ZNF536: variants seen among roughly 807,000 people sequenced by gnomAD.
ZNF536 encodes the protein zinc finger protein 536.
ZNF536 carries 13 observed loss-of-function variants against 84.5 expected under a neutral mutation model. The ratio of observed to expected loss-of-function variants is 0.15; its 90% CI spans 0.10 to 0.24. The LOEUF (loss-of-function observed/expected upper bound fraction) is 0.24. ZNF536 is among the 10% of genes least tolerant of loss of function. ZNF536 has a pLI of 1.00. For synonymous variants in ZNF536, 811 were observed against 742.5 expected (o/e 1.09, Z -1.50); for missense variants, 1,536 against 1,747.5 (o/e 0.88, Z 2.16).
At chr19:30,595,373 G>T (rs1486725233) in intron 1 of ZNF536, among the ~76,000 whole-genome samples, 1 of 152,064 alleles carries the variant, frequency 6.6e-6, no homozygotes, top group Non-Finnish European at 1.5e-5. Context: ...CTGCAGCCTT[G>T]ATCTCCTCAG....
intron 2 of ZNF536, among the ~76,000 whole-genome samples, chr19:30,286,108 G>A (rs557459188): frequency 3.3e-5 from 5 of 152,164 alleles, no homozygotes; most frequent in South Asian, 2.1e-4. Flanking sequence ...AGCCTGGCCC[G>A]AGCGAGGGCC....
At chr19:30,330,316 G>A (rs899086439) in intron 2 of ZNF536, among the ~76,000 whole-genome samples, 6 of 152,190 alleles carry the variant, frequency 3.9e-5, no homozygotes, top group African/African-American at 9.7e-5. Flanking sequence ...TTGTGGAACC[G>A]AGGCAGAAAC....
intron 1 of ZNF536, among the ~76,000 whole-genome samples, chr19:30,645,888 C>T (rs775338258): frequency 3.3e-5 from 5 of 152,156 alleles, no homozygotes; most frequent in African/African-American, 4.8e-5. Flanking sequence ...AGAAACTATT[C>T]GTTTGGCGAA....
chr19:30,475,930 C>T (rs1599505071), intron 2 of ZNF536, among the ~76,000 whole-genome samples: 1 of 152,180 alleles, frequency 6.6e-6, no homozygotes, highest in East Asian at 1.9e-4. Context: ...GAAGCTCACC[C>T]AGGAACTTGT....
intron 2 of ZNF536, among the ~76,000 whole-genome samples, chr19:30,527,392 C>T (rs1050794070): frequency 1.3e-5 from 2 of 151,990 alleles, no homozygotes; most frequent in African/African-American, 4.8e-5. Context: ...CTCTATCTCA[C>T]GTGTCCCAGG....
intron 1 of ZNF536, among the ~76,000 whole-genome samples, chr19:30,374,996 C>G (rs905112612): frequency 1.5e-4 from 23 of 151,932 alleles, no homozygotes; most frequent in Admixed American, 1.4e-3. Flanking sequence ...GGAGATCGGG[C>G]GCGCGGGCGC....
chr19:30,356,366 ATCCTGCGGTGGGCTGGGCTG>A (rs2048094951), intron 3 of ZNF536, among the ~76,000 whole-genome samples: 1 of 152,206 alleles, frequency 6.6e-6, no homozygotes, highest in South Asian at 2.1e-4. Flanking sequence ...TCAGGTGCTG[ATCCTGCGGTGGGCTGGGCTG>A]TCCCGAGTCA....
intron 2 of ZNF536, among the ~76,000 whole-genome samples, chr19:30,511,006 A>G (rs1216012656): frequency 1.3e-5 from 2 of 152,184 alleles, no homozygotes; most frequent in Non-Finnish European, 2.9e-5. Context: ...CCCTGGCTGG[A>G]GAACAAAGGA....
At position 30,686,793 on chromosome 19, in the gene ZNF536, C is replaced by A. The variant is rs1222344869; in HGVS notation, c.170-23964C>A. On this transcript the variant is annotated intron_variant, in intron 1 of 1. Coordinates refer to the ZNF536 transcript ENST00000592773. ...CTCAGGCCAGCCCTCCCCCCACTCCCCCCATCCAGTAAATGCATCTTTGTG... is the reference window on the plus strand; with the variant it reads ...CTCAGGCCAGCCCTCCCCCCACTCCACCCATCCAGTAAATGCATCTTTGTG... Among the ~76,000 whole-genome samples the A allele has an allele frequency of 2.0e-5, 3 of 152,286 alleles. No individual in the cohort carries two copies. The East Asian group carries it at 5.8e-4, about 29-fold the overall frequency.
intron 2 of ZNF536, among the ~76,000 whole-genome samples, chr19:30,468,375 C>T (rs747350381): frequency 4.6e-5 from 7 of 152,128 alleles, no homozygotes; most frequent in Non-Finnish European, 5.9e-5. Context: ...CCAGCTCGAA[C>T]GCCAAGCTTC....
intron 2 of ZNF536, among the ~76,000 whole-genome samples, chr19:30,485,945 A>C (rs2054287151): frequency 6.6e-6 from 1 of 152,222 alleles, no homozygotes; most frequent in East Asian, 1.9e-4. Flanking sequence ...GCAAGGGAAG[A>C]TGAGCTCAGA....
chr19:30,435,226 GGTGATA>G (rs2051679163), intron 1 of ZNF536, among the ~76,000 whole-genome samples: 1 of 151,612 alleles, frequency 6.6e-6, no homozygotes, highest in African/African-American at 2.4e-5. Context: ...TGGTGATGAT[GGTGATA>G]GTGATGATGA....
At chr19:30,283,519 C>T (rs1211160195) in intron 1 of ZNF536, among the ~76,000 whole-genome samples, 4 of 152,204 alleles carry the variant, frequency 2.6e-5, no homozygotes, top group Non-Finnish European at 4.4e-5. Flanking sequence ...GGAGAGAGGA[C>T]GTTGATGCCA....
chr19:30,296,706 G>A (rs376423325), intron 2 of ZNF536, among the ~76,000 whole-genome samples: 9 of 152,232 alleles, frequency 5.9e-5, no homozygotes, highest in Admixed American at 3.9e-4. Flanking sequence ...TCATGCAAAA[G>A]CTGGTTCTTC....
chr19:30,659,386 T>A (rs748744760), intron 1 of ZNF536, among the ~76,000 whole-genome samples: 14 of 152,102 alleles, frequency 9.2e-5, no homozygotes, highest in Non-Finnish European at 1.9e-4. Flanking sequence ...CCAAGGAAGA[T>A]GGTGTTAAAC....
rs1325768253 is a variant in ZNF536, at chr19:30,418,964, C to A, written c.-2-24597C>A. 1.3e-5 allele frequency among the ~76,000 whole-genome samples: 2 copies of A among 152,228 alleles called. 1 individual carries two copies. Among genetic ancestry groups the A allele is most frequent in the South Asian group, 4.1e-4 (2 of 4,830 alleles). On this transcript the variant is annotated intron_variant, in intron 1 of 4. Transcript: ENST00000355537. ...ATTTTAATTTTCCCTTCAGAAATAA[C>A]TTTATATTTTCTGATTAGAGAAACG... is the stretch of plus-strand genomic sequence containing the variant.
intron 2 of ZNF536, among the ~76,000 whole-genome samples, chr19:30,291,999 A>G (rs1176065956): frequency 2.0e-5 from 3 of 152,206 alleles, no homozygotes; most frequent in African/African-American, 7.2e-5. Flanking sequence ...GGCTGCATTG[A>G]CACTACAAAG....
intron 1 of ZNF536, among the ~76,000 whole-genome samples, chr19:30,669,131 A>G (rs2050448199): frequency 6.6e-6 from 1 of 152,230 alleles, no homozygotes; most frequent in African/African-American, 2.4e-5. Flanking sequence ...GGAAGGGGAC[A>G]GCAGGAGCAA....
intron 2 of ZNF536, among the ~76,000 whole-genome samples, chr19:30,285,416 T>C (rs1377805793): frequency 1.3e-5 from 2 of 152,208 alleles, no homozygotes; most frequent in East Asian, 3.8e-4. Context: ...TTTGTTTTTG[T>C]TGGGCCTGGA....
Sources: allele counts gnomAD v4.1 joint callset (sites outside exome capture counted in the v4.1 genomes callset), GRCh38; gene constraint gnomAD v4.1.1; transcripts MANE v1.5; gene names NCBI Gene and HGNC (gene_info 2026-07-23, HGNC 2026-07-21).